The following NPHP4 variants were observed in gnomAD, a reference collection of about 807,000 sequenced individuals.
The protein encoded by NPHP4 is nephrocystin 4.
A neutral mutation model predicts 155.8 loss-of-function variants in NPHP4; 151 were observed. The observed-to-expected ratio is 0.97, with a 90% CI of 0.85 to 1.11. The LOEUF (loss-of-function observed/expected upper bound fraction) is 1.11. Ranked by LOEUF, NPHP4 falls within the 50% of genes least tolerant of loss-of-function variation. NPHP4 has a pLI of 0.00. For synonymous variants in NPHP4, 845 were observed against 816.8 expected (o/e 1.03, Z -0.59); for missense variants, 1,956 against 1,925.7 (o/e 1.02, Z -0.29).
intron 5 of NPHP4, among the ~76,000 whole-genome samples, chr1:5,966,320 A>G (rs1266352949): frequency 6.6e-6 from 1 of 152,176 alleles, no homozygotes; most frequent in East Asian, 1.9e-4. Context: ...ATCTCACCAC[A>G]CTGTAATCTC....
intron 1 of NPHP4, among the ~76,000 whole-genome samples, chr1:5,989,441 T>A (rs906324879): frequency 6.6e-6 from 1 of 152,304 alleles, no homozygotes; most frequent in Non-Finnish European, 1.5e-5. Flanking sequence ...CAGGCTCACA[T>A]GGCCCCTGTG....
At chr1:5,897,183 T>C (rs911145769) in intron 16 of NPHP4, among the ~76,000 whole-genome samples, 2 of 152,092 alleles carry the variant, frequency 1.3e-5, no homozygotes, top group Admixed American at 6.5e-5. Flanking sequence ...ATGATAGAAT[T>C]AGACAAATTA....
chr1:5,872,656 T>A (rs1642124776), intron 23 of NPHP4, among the ~76,000 whole-genome samples: 1 of 152,222 alleles, frequency 6.6e-6, no homozygotes, highest in Non-Finnish European at 1.5e-5. Flanking sequence ...CTCTGAATTC[T>A]GTCCTCCAGG....
chr1:5,968,084 G>T (rs773068351), intron 4 of NPHP4, among the ~76,000 whole-genome samples: 18 of 151,590 alleles, frequency 1.2e-4, no homozygotes, highest in African/African-American at 4.1e-4. Context: ...AAAACACATC[G>T]CTCAATATTC....
Position 5,948,193 on chromosome 1 carries a change from C to T in NPHP4, c.869G>A (p.Gly290Asp), listed in dbSNP as rs1343307943. The change falls in exon 8 of 30, where the codon GGC (glycine) becomes GAC (aspartate). Residue 290 changes from glycine (G) to aspartate (D), a missense_variant. By Grantham distance (94) the Gly-to-Asp change is moderately conservative. Coordinates refer to ENST00000378156, the MANE Select transcript of NPHP4 (RefSeq NM_015102.5). Reference protein sequence around the residue: ...LEILERRLRVGVHNGLGFVQR... With the variant: ...LEILERRLRVDVHNGLGFVQR... ...CACGAAGCCCAGACCATTGTGCACGCCCACACGCAGGCGCCGCTCCAGGAT... is the reference window on the plus strand; with the variant it reads ...CACGAAGCCCAGACCATTGTGCACGTCCACACGCAGGCGCCGCTCCAGGAT... 6.2e-6 allele frequency: 10 copies of T among 1,610,284 alleles called. No individual in the cohort carries two copies. The highest frequency in any genetic ancestry group is 1.1e-5 in the South Asian group (1 of 90,622).
rs373603595 is a variant in NPHP4, at chr1:5,877,170, G to A, written c.2740C>T (p.Arg914Cys). The A allele has an allele frequency of 6.7e-5, 108 of 1,606,044 alleles. No individual in the cohort carries two copies. The highest frequency in any genetic ancestry group is 8.8e-5 in the Non-Finnish European group (104 of 1,175,518). The change falls in exon 20 of 30, where the codon CGT becomes TGT. Residue 914 changes from arginine (R) to cysteine (C), a missense_variant. Coordinates refer to ENST00000378156, the MANE Select transcript of NPHP4 (RefSeq NM_015102.5). The part of the protein sequence containing the change: ...VSRESDATRR[R>C]KLERMRSVRL... ...ACAGACCTCATCCGCTCCAGCTTAC[G>A]CCTGCGGGTGGCATCCGACTCGCGG...
At chr1:5,958,460 C>T (rs751418064) in intron 6 of NPHP4, among the ~76,000 whole-genome samples, 1 of 152,178 alleles carries the variant, frequency 6.6e-6, no homozygotes, top group Admixed American at 6.5e-5. Context: ...TTTGGGAGGC[C>T]GAGGTAGGTG....
intron 11 of NPHP4, among the ~76,000 whole-genome samples, chr1:5,918,536 T>G (rs1223366889): frequency 6.6e-6 from 1 of 152,068 alleles, no homozygotes; most frequent in Non-Finnish European, 1.5e-5. Flanking sequence ...AAGAAAAAAT[T>G]AATAACTTAA....
chr1:5,880,067 C>T (rs1318899668), intron 19 of NPHP4, 47 bp downstream of exon 19: 2 of 1,608,602 alleles, frequency 1.2e-6, no homozygotes, highest in Admixed American at 1.7e-5. Flanking sequence ...ACCTCTCACC[C>T]ACCACTCACG....
intron 5 of NPHP4, among the ~76,000 whole-genome samples, chr1:5,964,777 C>T (rs1051813970): frequency 2.6e-5 from 4 of 151,006 alleles, no homozygotes; most frequent in Non-Finnish European, 4.4e-5. Context: ...TCCACAAGAA[C>T]CCAAAGAGAG....
At chr1:5,914,257 C>CA (rs575438284) in intron 11 of NPHP4, among the ~76,000 whole-genome samples, 568 of 47,360 alleles carry the variant, frequency 0.012, 64 homozygotes, top group South Asian at 0.018. Context: ...CTTATCTATA[C>CA]AAAAAAAAAA....
intron 9 of NPHP4, among the ~76,000 whole-genome samples, chr1:5,934,867 G>A (rs1228394429): frequency 6.6e-6 from 1 of 152,200 alleles, no homozygotes; most frequent in Non-Finnish European, 1.5e-5. Flanking sequence ...AGCGAAGGAG[G>A]AGGCAAGACT....
chr1:5,876,833 T>A, intron 20 of NPHP4: 1 of 363,652 alleles, frequency 2.7e-6, no homozygotes, highest in East Asian at 4.1e-5. Flanking sequence ...AAACCCAGGC[T>A]CCAGGGGTCC....
intron 9 of NPHP4, among the ~76,000 whole-genome samples, chr1:5,946,372 G>C (rs1478944902): frequency 6.6e-6 from 1 of 152,146 alleles, no homozygotes; most frequent in African/African-American, 2.4e-5. Flanking sequence ...AGTTCCCTAT[G>C]AGAAACCATC....
At chr1:5,908,547 C>G (rs1645023052) in intron 12 of NPHP4, among the ~76,000 whole-genome samples, 1 of 152,120 alleles carries the variant, frequency 6.6e-6, no homozygotes. Context: ...ACGGGTGTCT[C>G]GGGACTCCAG....
intron 16 of NPHP4, among the ~76,000 whole-genome samples, chr1:5,897,967 G>A (rs1644476681): frequency 6.6e-6 from 1 of 152,242 alleles, no homozygotes; most frequent in African/African-American, 2.4e-5. Flanking sequence ...GGGACATATG[G>A]GATTAGGGCT....
Position 5,864,045 on chromosome 1 carries a change from G to A in NPHP4, c.3997-12C>T, listed in dbSNP as rs1640920835. 6.2e-7 allele frequency: 1 copy of A among 1,612,304 alleles called. No individual in the cohort carries two copies. Among genetic ancestry groups the A allele is most frequent in the Non-Finnish European group, 8.5e-7 (1 of 1,179,298 alleles). ...ATGATCTCAAAGGCCTGTGGAGGGA[G>A]GGGACAGGGAGACGCTGCGGCCACT... On this transcript the variant is annotated splice_polypyrimidine_tract_variant and intron_variant, in intron 28 of 29. Transcript: ENST00000378156.
At chr1:5,917,487 G>A (rs1037599137) in intron 11 of NPHP4, among the ~76,000 whole-genome samples, 1 of 152,192 alleles carries the variant, frequency 6.6e-6, no homozygotes, top group Non-Finnish European at 1.5e-5. Flanking sequence ...CCGGGATCCA[G>A]CCATGCCTAA....
chr1:5,945,444 T>C (rs1336850990), intron 9 of NPHP4, among the ~76,000 whole-genome samples: 3 of 152,228 alleles, frequency 2.0e-5, no homozygotes, highest in Admixed American at 6.5e-5. Flanking sequence ...TAAATGACTG[T>C]GACTGTGTCA....
Sources: allele counts gnomAD v4.1 joint callset (sites outside exome capture counted in the v4.1 genomes callset), GRCh38; gene constraint gnomAD v4.1.1; transcripts MANE v1.5; gene names NCBI Gene and HGNC (gene_info 2026-07-23, HGNC 2026-07-21).